Variants in GAK observed in about 807,000 individuals in gnomAD.
The protein encoded by GAK is cyclin G associated kinase.
In GAK, 79 loss-of-function variants were observed where a neutral mutation model predicts 143.9. The observed-to-expected ratio is 0.55, with a 90% CI of 0.46 to 0.66. GAK has a LOEUF of 0.66. GAK is among the 30% of genes least tolerant of loss of function. The pLI, the probability that GAK is intolerant of heterozygous loss-of-function variation, is 0.00. For missense variants in GAK, 1,693 were observed against 1,779.7 expected (o/e 0.95, Z 0.88); for synonymous variants, 881 against 765.5 (o/e 1.15, Z -2.49).
chr4:908,389 C>T (rs1348399762), intron 4 of GAK, among the ~76,000 whole-genome samples: 1 of 152,188 alleles, frequency 6.6e-6, no homozygotes, highest in Non-Finnish European at 1.5e-5. Flanking sequence ...GAGGCCTGAG[C>T]AGGGTGCTCT....
intron 1 of GAK, among the ~76,000 whole-genome samples, chr4:916,733 G>A (rs11724439): frequency 0.035 from 5,404 of 152,270 alleles, 143 homozygotes; most frequent in Middle Eastern, 0.061. Context: ...GAATGCTTAT[G>A]CACAGCTTTT....
intron 5 of GAK, among the ~76,000 whole-genome samples, chr4:900,160 C>T (rs527333523): frequency 6.6e-6 from 1 of 152,304 alleles, no homozygotes; most frequent in East Asian, 1.9e-4. Flanking sequence ...CCAACAGAGA[C>T]GAAGCTGTGC....
intron 9 of GAK, among the ~76,000 whole-genome samples, chr4:891,915 G>A (rs1211811372): frequency 6.6e-6 from 1 of 152,240 alleles, no homozygotes; most frequent in Middle Eastern, 3.4e-3. Flanking sequence ...GCCTCAGAGC[G>A]CCCCACACCT....
rs756282877 is a variant in GAK, at chr4:849,355, A to G, written c.*318T>C. ...TGCGGTGCAAACACCAGGGCCCATG[A>G]GCGCCAGCAGCGTGGCCCACCACGT... On this transcript the variant is annotated 3_prime_UTR_variant, in exon 28 of 28. Transcript: ENST00000314167. 6.8e-5 allele frequency: 29 copies of G among 425,644 alleles called. No individual in the cohort carries two copies. The highest frequency in any genetic ancestry group is 1.3e-4 in the Non-Finnish European group (29 of 228,572). 26.4% of individuals were successfully genotyped at this position (425,644 alleles called of 1,614,324 possible).
intron 18 of GAK, among the ~76,000 whole-genome samples, chr4:875,061 T>C (rs1713558371): frequency 6.6e-6 from 1 of 152,210 alleles, no homozygotes; most frequent in Non-Finnish European, 1.5e-5. Flanking sequence ...GAAATTCCCA[T>C]CATTCCCCCG....
intron 24 of GAK, among the ~76,000 whole-genome samples, chr4:857,950 C>T (rs575563499): frequency 1.3e-5 from 2 of 152,334 alleles, no homozygotes; most frequent in South Asian, 4.1e-4. Context: ...GCACTTGCAT[C>T]TTCACTCAGC....
At chr4:871,250 G>A (rs3775133) in intron 18 of GAK, among the ~76,000 whole-genome samples, 5,561 of 152,336 alleles carry the variant, frequency 0.037, 190 homozygotes, top group East Asian at 0.19. Context: ...GGGAGGCCAC[G>A]TGCTCAGAGC....
At position 870,800 on chromosome 4, in the gene GAK, G is replaced by A. The variant is rs972930571; in HGVS notation, c.2159C>T (p.Pro720Leu). The change falls in exon 19 of 28, where the codon CCA (proline) becomes CTA (leucine). Residue 720 changes from proline (P) to leucine (L), a missense_variant. Pro to Leu is a moderately conservative substitution (Grantham distance 98). Around this residue, in one of 2 missense-constraint regions of GAK, gnomAD observed 871 missense variants for 991.0 expected, o/e 0.88. Coordinates refer to ENST00000314167, the MANE Select transcript of GAK (RefSeq NM_005255.4). Reference sequence around the variant, plus strand: ...CCTCATGCTCGAGTTCTCCCATGGTGGGGCTTCCCGGCTCGGCCTGTCCCT... The same window carrying A: ...CCTCATGCTCGAGTTCTCCCATGGTAGGGCTTCCCGGCTCGGCCTGTCCCT... ...EPRDRPSREA[P>L]PWENSSMRGL... is the part of the protein sequence containing the mutation. 1 of 1,614,126 alleles carries A rather than the reference G, an allele frequency of 6.2e-7. No homozygotes were observed. The highest frequency in any genetic ancestry group is 2.2e-5 in the East Asian group (1 of 44,888).
chr4:881,223 C>A (rs1168865651), intron 15 of GAK, among the ~76,000 whole-genome samples: 5 of 152,196 alleles, frequency 3.3e-5, no homozygotes, highest in African/African-American at 1.2e-4. Context: ...ACGGGGCCGG[C>A]CTTTGCTCCT....
intron 24 of GAK, among the ~76,000 whole-genome samples, chr4:857,172 C>A (rs1749431360): frequency 6.6e-6 from 1 of 152,174 alleles, no homozygotes; most frequent in South Asian, 2.1e-4. Context: ...ATAAATCTTA[C>A]TTGATCTTGG....
intron 23 of GAK, among the ~76,000 whole-genome samples, chr4:863,991 C>A (rs1750716524): frequency 6.6e-6 from 1 of 152,172 alleles, no homozygotes; most frequent in East Asian, 1.9e-4. Flanking sequence ...CCACTGCGCT[C>A]CACAGCCTGT....
At chr4:876,695 T>C (rs1713963910) in intron 17 of GAK, 86 bp from the exon 18 acceptor site, 1 of 1,169,770 alleles carries the variant, frequency 8.5e-7, no homozygotes, top group East Asian at 2.3e-5. Flanking sequence ...ATGGGCGAGA[T>C]CTGAGAGCGG....
At chr4:928,866 C>A (rs560100238) in intron 1 of GAK, among the ~76,000 whole-genome samples, 1 of 152,020 alleles carries the variant, frequency 6.6e-6, no homozygotes, top group South Asian at 2.1e-4. Flanking sequence ...CAGGTTCAAG[C>A]GATTCTCCTG....
chr4:861,386 T>C (rs1750248263), intron 23 of GAK, among the ~76,000 whole-genome samples: 1 of 152,084 alleles, frequency 6.6e-6, no homozygotes, highest in African/African-American at 2.4e-5. Context: ...GCCCAGGAGT[T>C]CAAGGTCGGC....
chr4:881,060 G>A (rs1028184819), intron 15 of GAK, among the ~76,000 whole-genome samples: 2 of 152,202 alleles, frequency 1.3e-5, no homozygotes, highest in South Asian at 2.1e-4. Flanking sequence ...GTGAGCAAAC[G>A]AGGTGGGGCC....
intron 4 of GAK, among the ~76,000 whole-genome samples, chr4:911,119 G>A (rs756139412): frequency 2.0e-5 from 3 of 152,096 alleles, no homozygotes; most frequent in Admixed American, 1.3e-4. Context: ...CCATGGAGTC[G>A]TTGTGCCATC....
At chr4:931,311 G>A (rs963637197) in intron 1 of GAK, among the ~76,000 whole-genome samples, 1 of 152,138 alleles carries the variant, frequency 6.6e-6, no homozygotes, top group Non-Finnish European at 1.5e-5. Context: ...TCTGCTTCCT[G>A]TACTACACAC....
At chr4:882,557 C>T (rs1715357173) in intron 14 of GAK, 140 bp downstream of exon 14, 1 of 1,121,314 alleles carries the variant, frequency 8.9e-7, no homozygotes. Flanking sequence ...CCCAAAGACA[C>T]CAAGCACAGG....
intron 12 of GAK, 27 bp downstream of exon 12, chr4:884,010 T>C: frequency 1.2e-6 from 2 of 1,609,176 alleles, no homozygotes; most frequent in Non-Finnish European, 1.7e-6. Context: ...CCGGGGCGCG[T>C]CCCACAGCCT....
Sources: allele counts gnomAD v4.1 joint callset (sites outside exome capture counted in the v4.1 genomes callset), GRCh38; gene constraint gnomAD v4.1.1; regional missense constraint gnomAD v4.1.1; transcripts MANE v1.5; gene names NCBI Gene and HGNC (gene_info 2026-07-23, HGNC 2026-07-21).